Variants in ARHGAP26 observed in about 807,000 individuals in gnomAD.
The protein encoded by ARHGAP26 is Rho GTPase activating protein 26.
In ARHGAP26, 38 loss-of-function variants were observed where a neutral mutation model predicts 104.8. That is an observed-to-expected ratio of 0.36 (90% CI 0.28 to 0.48). ARHGAP26 has a LOEUF of 0.48. Among genes scored for constraint, ARHGAP26 ranks in the 20% least tolerant of loss-of-function variants. ARHGAP26 has a pLI of 0.99. For synonymous variants in ARHGAP26, 341 were observed against 340.0 expected, an observed-to-expected ratio of 1.00 and a Z score of -0.03; for missense variants, 704 against 947.9, an observed-to-expected ratio of 0.74 and a Z score of 3.38.
chr5:142,882,582 C>T (rs556139970), intron 4 of ARHGAP26, among the ~76,000 whole-genome samples: 19 of 152,238 alleles, frequency 1.2e-4, no homozygotes, highest in Admixed American at 6.5e-4. Context: ...GTTCTTGGGA[C>T]GGTTACCTTC....
At chr5:142,962,848 C>T (rs1770488222) in intron 11 of ARHGAP26, among the ~76,000 whole-genome samples, 1 of 151,684 alleles carries the variant, frequency 6.6e-6, no homozygotes, top group Non-Finnish European at 1.5e-5. Context: ...GGTTTGTTAC[C>T]TAGGTAAACT....
intron 12 of ARHGAP26, among the ~76,000 whole-genome samples, chr5:143,026,179 G>C (rs1476879815): frequency 6.6e-5 from 10 of 152,196 alleles, no homozygotes; most frequent in African/African-American, 1.9e-4. Context: ...CTTTTGGCCT[G>C]TCGGCTCCTT....
Position 143,222,700 on chromosome 5 carries a change from A to T in ARHGAP26, c.*254A>T, listed in dbSNP as rs774505527. 5.8e-6 allele frequency: 2 copies of T among 342,332 alleles called. No homozygotes were observed. Among genetic ancestry groups the T allele is most frequent in the Non-Finnish European group, 1.1e-5 (2 of 187,822 alleles). 21.2% of individuals were successfully genotyped at this position (342,332 alleles called of 1,614,324 possible). A position where few individuals can be genotyped will look rare whatever the true frequency, so the allele number is the denominator to read the frequency against. Reference sequence around the variant, plus strand: ...TTTGATAACTAAGAGGAAGACTTGCAAAGCCGTTTTCTCATGAGTACCCTG... The same window carrying T: ...TTTGATAACTAAGAGGAAGACTTGCTAAGCCGTTTTCTCATGAGTACCCTG... On this transcript the variant is annotated 3_prime_UTR_variant, in exon 23 of 23. Coordinates refer to ENST00000645722, the MANE Select transcript of ARHGAP26 (RefSeq NM_001135608.3).
chr5:142,861,433 A>C (rs1490187849), intron 1 of ARHGAP26, among the ~76,000 whole-genome samples: 3 of 148,162 alleles, frequency 2.0e-5, no homozygotes, highest in Non-Finnish European at 4.5e-5. Flanking sequence ...AACTGAATTT[A>C]TTCTGATGCT....
At chr5:143,207,442 A>G (rs1021385645) in intron 21 of ARHGAP26, 134 bp downstream of exon 21, 1 of 1,614,106 alleles carries the variant, frequency 6.2e-7, no homozygotes, top group Non-Finnish European at 8.5e-7. Context: ...GCTTTTTGAC[A>G]GGCCAGAAGA....
chr5:143,173,492 G>A (rs766766642), intron 20 of ARHGAP26, among the ~76,000 whole-genome samples: 10 of 152,176 alleles, frequency 6.6e-5, no homozygotes, highest in Admixed American at 2.0e-4. Context: ...CTCCAAAAAC[G>A]AAGTGGCTTT....
intron 11 of ARHGAP26, among the ~76,000 whole-genome samples, chr5:142,996,592 T>C (rs1422801567): frequency 6.6e-6 from 1 of 152,216 alleles, no homozygotes; most frequent in African/African-American, 2.4e-5. Context: ...CAAGTACTAA[T>C]TTAGTGGCTT....
At chr5:142,923,039 A>G (rs1231375138) in intron 10 of ARHGAP26, among the ~76,000 whole-genome samples, 1 of 151,658 alleles carries the variant, frequency 6.6e-6, no homozygotes, top group Non-Finnish European at 1.5e-5. Context: ...AAGTTAGTGG[A>G]GAAGTTCTTG....
At chr5:142,964,793 C>T (rs922464858) in intron 11 of ARHGAP26, among the ~76,000 whole-genome samples, 4 of 152,100 alleles carry the variant, frequency 2.6e-5, no homozygotes, top group African/African-American at 9.7e-5. Flanking sequence ...CTCACAGGGT[C>T]GGTGGGCTTC....
intron 1 of ARHGAP26, among the ~76,000 whole-genome samples, chr5:142,819,838 A>G (rs796105840): frequency 2.8e-4 from 42 of 151,818 alleles, no homozygotes; most frequent in African/African-American, 8.9e-4. Flanking sequence ...TTTTTTTTTT[A>G]AAGTGAAGGT....
intron 11 of ARHGAP26, among the ~76,000 whole-genome samples, chr5:142,986,473 A>T (rs1357272326): frequency 6.6e-6 from 1 of 152,154 alleles, no homozygotes; most frequent in South Asian, 2.1e-4. Flanking sequence ...GCTCACTCTT[A>T]TGATAGTTCT....
At chr5:143,076,592 C>T (rs916594889) in intron 17 of ARHGAP26, among the ~76,000 whole-genome samples, 11 of 152,180 alleles carry the variant, frequency 7.2e-5, no homozygotes, top group Non-Finnish European at 1.2e-4. Context: ...TTGGCACACC[C>T]TGTTCAGTTC....
chr5:143,021,408 A>G (rs1780314128), intron 12 of ARHGAP26, among the ~76,000 whole-genome samples: 1 of 152,234 alleles, frequency 6.6e-6, no homozygotes, highest in South Asian at 2.1e-4. Context: ...TTTTGGTATT[A>G]CAAATAACAT....
At chr5:142,927,909 G>A (rs79687497) in intron 10 of ARHGAP26, among the ~76,000 whole-genome samples, 2 of 152,146 alleles carry the variant, frequency 1.3e-5, no homozygotes, top group African/African-American at 4.8e-5. Context: ...TCCCTCATAA[G>A]TAATCAGTTT....
chr5:142,917,230 G>C (rs1420286205), intron 10 of ARHGAP26, among the ~76,000 whole-genome samples: 2 of 151,988 alleles, frequency 1.3e-5, no homozygotes, highest in Admixed American at 6.6e-5. Flanking sequence ...GTAGAGATGC[G>C]GTTTCGCCAT....
chr5:143,205,915 A>G (rs1808475993), intron 20 of ARHGAP26, among the ~76,000 whole-genome samples: 1 of 152,246 alleles, frequency 6.6e-6, no homozygotes, highest in South Asian at 2.1e-4. Flanking sequence ...CCTCTGCCTC[A>G]TGGAATTTAT....
chr5:143,166,216 C>A, intron 20 of ARHGAP26: 1 of 645,986 alleles, frequency 1.5e-6, no homozygotes, highest in Non-Finnish European at 2.1e-6. Context: ...AACACAAAAG[C>A]TCTCTGAGTA....
chr5:143,200,717 G>A (rs1015638521), intron 20 of ARHGAP26, among the ~76,000 whole-genome samples: 19 of 152,156 alleles, frequency 1.2e-4, no homozygotes, highest in African/African-American at 3.9e-4. Context: ...CTACAAGGCC[G>A]TCAGTAATTT....
intron 1 of ARHGAP26, among the ~76,000 whole-genome samples, chr5:142,785,172 C>T (rs551305072): frequency 3.3e-5 from 5 of 151,998 alleles, no homozygotes; most frequent in African/African-American, 4.8e-5. Context: ...TCTCGTGATC[C>T]GCCCACCTCG....
Sources: gnomAD v4.1 joint callset for allele counts (sites outside exome capture counted in the v4.1 genomes callset) on GRCh38, gnomAD v4.1.1 for gene constraint, MANE v1.5 for transcripts, NCBI Gene and HGNC (gene_info 2026-07-23, HGNC 2026-07-21) for gene names.